SVIL: variants seen among roughly 807,000 people sequenced by gnomAD.
SVIL encodes supervillin.
SVIL carries 101 observed loss-of-function variants against 240.4 expected under a neutral mutation model. The observed-to-expected ratio is 0.42, with a 90% CI of 0.36 to 0.50. The LOEUF is 0.50. Ranked by LOEUF, SVIL falls within the 20% of genes least tolerant of loss-of-function variation. The pLI is 0.01. For missense variants in SVIL, 2,512 were observed against 2,818.7 expected, an observed-to-expected ratio of 0.89 and a Z score of 2.46; for synonymous variants, 999 against 1,100.0, an observed-to-expected ratio of 0.91 and a Z score of 1.82.
At chr10:29,674,668 G>A (rs1960061952) in intron 2 of SVIL, among the ~76,000 whole-genome samples, 3 of 152,184 alleles carry the variant, frequency 2.0e-5, no homozygotes, top group African/African-American at 7.2e-5. Flanking sequence ...TGTACGTGGT[G>A]ACTTAAAACA....
chr10:29,465,713 G>A lies in SVIL; in HGVS notation c.6015C>T (p.Ile2005=). Residue 2005 remains isoleucine (I), a synonymous_variant, in exon 34 of 38, where the codon ATC becomes ATT. Transcript: ENST00000355867. ...GSFNFAPRLF[I]LSSSSGDFAA... ...CAAAATCCCCAGAGGAGCTGCTGAGGATGAACAGGCGGGGCGCGAAGTTAA... is the reference window on the plus strand; with the variant it reads ...CAAAATCCCCAGAGGAGCTGCTGAGAATGAACAGGCGGGGCGCGAAGTTAA... 6.2e-7 allele frequency: 1 copy of A among 1,613,090 alleles called. No individual in the cohort carries two copies. Among genetic ancestry groups the A allele is most frequent in the Non-Finnish European group, 8.5e-7 (1 of 1,179,980 alleles).
intron 29 of SVIL, 92 bp from the exon 30 acceptor site, chr10:29,474,081 A>G: frequency 6.6e-7 from 1 of 1,508,214 alleles, no homozygotes; most frequent in South Asian, 1.2e-5. Context: ...GCCTGCAAGG[A>G]CCAGTGGCAA....
chr10:29,508,824 C>T (rs1278014349), intron 17 of SVIL, among the ~76,000 whole-genome samples: 2 of 152,186 alleles, frequency 1.3e-5, no homozygotes, highest in African/African-American at 4.8e-5. Context: ...GAAACAGACA[C>T]AGGGTTTTAA....
At chr10:29,690,290 T>A (rs921193453) in intron 1 of SVIL, among the ~76,000 whole-genome samples, 13 of 152,214 alleles carry the variant, frequency 8.5e-5, no homozygotes, top group African/African-American at 2.9e-4. Context: ...TAAAATAACT[T>A]ATTTTCATAG....
At position 29,457,995 on chromosome 10, in the gene SVIL, A is replaced by C; in HGVS notation, c.*252T>G. ...TGCTATCTATAGCAGCTGCGGCTTA[A>C]GTGCACATAACAGATACTTTTATTA... On this transcript the variant is annotated 3_prime_UTR_variant, in exon 38 of 38. Coordinates refer to ENST00000355867, the MANE Select transcript of SVIL (RefSeq NM_021738.3). The C allele has an allele frequency of 2.8e-6, 1 of 358,406 alleles. No homozygotes were observed. 22.2% of individuals were successfully genotyped at this position (358,406 alleles called of 1,614,324 possible).
chr10:29,527,582 A>G (rs748692617), intron 12 of SVIL, among the ~76,000 whole-genome samples: 5 of 151,644 alleles, frequency 3.3e-5, no homozygotes, highest in Non-Finnish European at 7.4e-5. Context: ...GCGCACCACC[A>G]CGCCCAGTTA....
chr10:29,645,961 C>T (rs546666557), intron 3 of SVIL, among the ~76,000 whole-genome samples: 2 of 152,282 alleles, frequency 1.3e-5, no homozygotes, highest in African/African-American at 4.8e-5. Flanking sequence ...TCCAGGTACT[C>T]CTAACTCCTT....
chr10:29,506,013 A>T (rs1396264948), intron 17 of SVIL, among the ~76,000 whole-genome samples: 1 of 152,194 alleles, frequency 6.6e-6, no homozygotes, highest in Non-Finnish European at 1.5e-5. Flanking sequence ...GTGATGACTT[A>T]TAATACCTAA....
At chr10:29,654,510 G>C (rs1467119896) in intron 3 of SVIL, among the ~76,000 whole-genome samples, 1 of 152,172 alleles carries the variant, frequency 6.6e-6, no homozygotes. Flanking sequence ...CAATCTGGAA[G>C]CCTCTTATTT....
intron 1 of SVIL, among the ~76,000 whole-genome samples, chr10:29,632,990 T>G (rs1385497786): frequency 2.0e-5 from 3 of 152,094 alleles, no homozygotes; most frequent in Non-Finnish European, 4.4e-5. Context: ...TCCCAGCACT[T>G]TGGGAGCCCA....
At chr10:29,599,901 T>C (rs1956749053) in intron 1 of SVIL, among the ~76,000 whole-genome samples, 1 of 152,058 alleles carries the variant, frequency 6.6e-6, no homozygotes, top group South Asian at 2.1e-4. Flanking sequence ...CTGTTTGGTT[T>C]GCTATCCTAA....
At chr10:29,486,879 G>A (rs1947455891) in intron 24 of SVIL, among the ~76,000 whole-genome samples, 1 of 152,182 alleles carries the variant, frequency 6.6e-6, no homozygotes. Context: ...GAGCTACCTG[G>A]GATAAAGGAC....
At chr10:29,458,398 T>G in intron 37 of SVIL, 36 bp downstream of exon 37, 2 of 1,606,100 alleles carry the variant, frequency 1.2e-6, no homozygotes, top group Non-Finnish European at 1.7e-6. Flanking sequence ...TGTGTTGTTT[T>G]ACTCCCATCC....
chr10:29,549,804 T>C (rs575426867), intron 6 of SVIL, among the ~76,000 whole-genome samples: 1 of 130,120 alleles, frequency 7.7e-6, no homozygotes, highest in African/African-American at 3.0e-5. Flanking sequence ...TTCTCACTCA[T>C]AGGTGGGAAT....
intron 16 of SVIL, among the ~76,000 whole-genome samples, chr10:29,515,886 C>T (rs1234706869): frequency 6.6e-6 from 1 of 152,160 alleles, no homozygotes; most frequent in African/African-American, 2.4e-5. Flanking sequence ...CATCTGAGAT[C>T]ACCTCCTCGT....
rs747601597 is a variant in SVIL, at chr10:29,524,629, G to A, written c.2429C>T (p.Ser810Phe). The change falls in exon 14 of 38, where the codon TCC becomes TTC. Residue 810 changes from serine to phenylalanine, a missense_variant. By Grantham distance (155) the Ser-to-Phe change is radical. Around this residue, in one of 3 missense-constraint regions of SVIL, gnomAD observed 1,443 missense variants for 1,486.6 expected, o/e 0.97. Coordinates refer to ENST00000355867, the MANE Select transcript of SVIL (RefSeq NM_021738.3). ...CTTTTCGGCCAAGCTTAGAGTGGAG[G>A]AATCAGGTTCTCCTTGCTCAGCAAG... ...KELAEQGEPD[S>F]STLSLAEKLA... is the part of the protein sequence containing the mutation. The A allele has an allele frequency of 5.0e-6, 8 of 1,614,150 alleles. No individual in the cohort carries two copies. Among genetic ancestry groups the A allele is most frequent in the Non-Finnish European group, 6.8e-6 (8 of 1,180,030 alleles).
intron 2 of SVIL, among the ~76,000 whole-genome samples, chr10:29,663,703 T>G (rs1959183674): frequency 6.6e-6 from 1 of 152,222 alleles, no homozygotes; most frequent in African/African-American, 2.4e-5. Flanking sequence ...AAAATCAGAC[T>G]CATTTTTTAT....
chr10:29,569,650 A>C (rs779237534), intron 1 of SVIL, among the ~76,000 whole-genome samples: 7 of 152,224 alleles, frequency 4.6e-5, no homozygotes, highest in Non-Finnish European at 1.0e-4. Flanking sequence ...AAAGCAATTA[A>C]ATGCTAAATA....
rs776228151 is a variant in SVIL, at chr10:29,473,917, T to C, written c.5450A>G (p.Gln1817Arg). The C allele has an allele frequency of 6.2e-7, 1 of 1,614,070 alleles. No individual in the cohort carries two copies. Among genetic ancestry groups the C allele is most frequent in the South Asian group, 1.1e-5 (1 of 91,066 alleles). Residue 1817 changes from glutamine to arginine, a missense_variant, in exon 30 of 38, where the codon CAA becomes CGA. Transcript: ENST00000355867. ...CTCACTCACGGTGGAGTGCCGGCCT[T>C]GCCAGAAGAAGTAGACGCACTTCTC... ...GKEKCVYFFW[Q>R]GRHSTVSEKG...
Sources: allele counts gnomAD v4.1 joint callset (sites outside exome capture counted in the v4.1 genomes callset), GRCh38; gene constraint gnomAD v4.1.1; regional missense constraint gnomAD v4.1.1; transcripts MANE v1.5; gene names NCBI Gene and HGNC (gene_info 2026-07-23, HGNC 2026-07-21).